SLC12A7: variants seen among roughly 807,000 people sequenced by gnomAD.
The protein encoded by SLC12A7 is solute carrier family 12 member 7.
A neutral mutation model predicts 120.6 loss-of-function variants in SLC12A7; 100 were observed. That is an observed-to-expected ratio of 0.83 (90% CI 0.71 to 0.98). The LOEUF (loss-of-function observed/expected upper bound fraction) is 0.98. Ranked by LOEUF, SLC12A7 falls within the 50% of genes least tolerant of loss-of-function variation. The probability of loss-of-function intolerance (pLI) is 0.00; values close to 1 mark genes in which losing one functional copy is unlikely to be tolerated. For synonymous variants in SLC12A7, 760 were observed against 678.0 expected (o/e 1.12, Z -1.88); for missense variants, 1,373 against 1,548.1 (o/e 0.89, Z 1.90).
intron 1 of SLC12A7, among the ~76,000 whole-genome samples, chr5:1,104,081 G>A (rs549222042): frequency 2.6e-5 from 4 of 152,302 alleles, no homozygotes; most frequent in Middle Eastern, 3.4e-3. Context: ...GACCCTTGGC[G>A]GCATGGAGGG....
intron 22 of SLC12A7, among the ~76,000 whole-genome samples, chr5:1,054,273 A>G (rs1012752182): frequency 1.1e-4 from 17 of 152,252 alleles, no homozygotes; most frequent in African/African-American, 3.6e-4. Context: ...CTGCTCTCTG[A>G]AGCTGCTGTG....
intron 20 of SLC12A7, chr5:1,062,880 C>T (rs62331173): frequency 0.01 from 1,564 of 154,532 alleles, 10 homozygotes; most frequent in Non-Finnish European, 0.018. Context: ...GCTGGGGTCA[C>T]GGGAGCCGGA....
chr5:1,090,871 G>T (rs1740418124), intron 3 of SLC12A7, among the ~76,000 whole-genome samples: 1 of 152,228 alleles, frequency 6.6e-6, no homozygotes, highest in Non-Finnish European at 1.5e-5. Flanking sequence ...TTCAGGCGCG[G>T]GAGGCTGGAG....
At chr5:1,076,595 C>G (rs993097989) in intron 13 of SLC12A7, 99 bp downstream of exon 13, 5 of 856,484 alleles carry the variant, frequency 5.8e-6, no homozygotes, top group Non-Finnish European at 9.3e-6. Context: ...GCTGGCCATG[C>G]CTGTCTACTG....
Position 1,081,738 on chromosome 5 carries a change from A to G in SLC12A7, c.1136T>C (p.Leu379Pro). ...GAASGVFLEN[L>P]WSTYAHAGAF... ...CCCCGCGTGCGCGTACGTACTCCAC[A>G]GGTTCTCTGCCGGGCAAGGAAGATC... is the stretch of plus-strand genomic sequence containing the variant. Residue 379 changes from leucine (L) to proline (P), a missense_variant, in exon 9 of 24, where the codon CTG becomes CCG. Transcript: ENST00000264930. 9.9e-6 allele frequency: 16 copies of G among 1,611,202 alleles called. No homozygotes were observed. The highest frequency in any genetic ancestry group is 1.4e-5 in the Non-Finnish European group (16 of 1,178,650).
chr5:1,093,924 GC>G (rs1416824366), intron 2 of SLC12A7, among the ~76,000 whole-genome samples: 1 of 152,168 alleles, frequency 6.6e-6, no homozygotes, highest in Non-Finnish European at 1.5e-5. Context: ...TGGGGCCGGA[GC>G]ACCCTAGATC....
chr5:1,052,389 C>T lies in SLC12A7; in HGVS notation c.3223G>A (p.Gly1075Ser), dbSNP rs776189873. 29 of 1,612,784 alleles carry T rather than the reference C, an allele frequency of 1.8e-5. No individual in the cohort carries two copies. Among genetic ancestry groups the T allele is most frequent in the Admixed American group, 6.7e-5 (4 of 60,000 alleles). The part of the protein sequence containing the change: ...LNRVLLVRGG[G>S]REVITIYS ...GAGTAGATGGTGATCACCTCCCGGCCGCCACCCCTGACCAGGAGGACTCTG... is the reference window on the plus strand; with the variant it reads ...GAGTAGATGGTGATCACCTCCCGGCTGCCACCCCTGACCAGGAGGACTCTG... The change falls in exon 24 of 24, where the codon GGC (glycine) becomes AGC (serine). Residue 1075 changes from glycine (G) to serine (S), a missense_variant. Transcript: ENST00000264930.
rs1742993369 is a variant in SLC12A7, at chr5:1,111,408, C to CG, written c.124+459dup. Among the ~76,000 whole-genome samples, 3 of 151,732 alleles carry CG rather than the reference C, an allele frequency of 2.0e-5. No individual in the cohort carries two copies. In the South Asian group the frequency reaches 6.3e-4, roughly 32 times the overall value. The stretch of plus-strand genomic sequence containing the variant: ...GGTGGGCGGCTCCTCCAGGGTCAGG[C>CG]GGGGGCAGGACGGGCCGGCCCGGGC... On this transcript the variant is annotated intron_variant, in intron 1 of 23. Transcript: ENST00000264930.
In SLC12A7 at chr5:1,076,820, GAGA is replaced by G; in HGVS notation, c.1630-11_1630-9del. ...CTTCCCGTGGCCAAACACCTGCAGG[GAGA>G]AGGGCAGGAAGATGGGGCAGATGAC... On this transcript the variant is annotated splice_polypyrimidine_tract_variant and intron_variant, in intron 12 of 23. Transcript: ENST00000264930. 2 of 1,590,736 alleles carry G rather than the reference GAGA, an allele frequency of 1.3e-6. No homozygotes were observed. The highest frequency in any genetic ancestry group is 1.7e-6 in the Non-Finnish European group (2 of 1,163,956).
At chr5:1,094,069 G>A (rs1011642234) in intron 2 of SLC12A7, 85 bp downstream of exon 2, 35 of 1,057,812 alleles carry the variant, frequency 3.3e-5, no homozygotes, top group Admixed American at 7.4e-5. Flanking sequence ...GGGAGGCCCC[G>A]GCCTGGGGGC....
chr5:1,067,181 G>A (rs899023825), intron 17 of SLC12A7, among the ~76,000 whole-genome samples: 1 of 152,194 alleles, frequency 6.6e-6, no homozygotes, highest in African/African-American at 2.4e-5. Context: ...GACGGGACAG[G>A]GTGCAGGGCC....
intron 8 of SLC12A7, among the ~76,000 whole-genome samples, chr5:1,083,140 GAA>G (rs1561074513): frequency 3.3e-3 from 136 of 41,836 alleles, no homozygotes; most frequent in Admixed American, 8.3e-3. Context: ...CGGGTTCTGG[GAA>G]GTCCAGGCTT....
At chr5:1,053,776 G>A (rs562640553) in intron 22 of SLC12A7, among the ~76,000 whole-genome samples, 11 of 152,344 alleles carry the variant, frequency 7.2e-5, no homozygotes, top group African/African-American at 2.2e-4. Context: ...AACACAAACC[G>A]CAAGCGCTTT....
At position 1,093,553 on chromosome 5, in the gene SLC12A7, T is replaced by TCTCCTCGTC; in HGVS notation, c.313_321dup (p.Asp105_Glu107dup). The TCTCCTCGTC allele has an allele frequency of 6.2e-7, 1 of 1,600,536 alleles. No individual in the cohort carries two copies. Among genetic ancestry groups the TCTCCTCGTC allele is most frequent in the Non-Finnish European group, 8.5e-7 (1 of 1,174,700 alleles). ...AGTACCTTGGCCTCCCGCCGCCGGC[T>TCTCCTCGTC]CTCCTCGTCCTCCTCGTGCTCCACC... On this transcript the variant is annotated inframe_insertion, in exon 3 of 24. Coordinates refer to ENST00000264930, the MANE Select transcript of SLC12A7 (RefSeq NM_006598.3).
chr5:1,089,255 C>T, intron 3 of SLC12A7, 127 bp from the exon 4 acceptor site: 2 of 980,266 alleles, frequency 2.0e-6, no homozygotes, highest in Admixed American at 2.7e-5. Context: ...AGGAGTCCTT[C>T]CCAGAACAGA....
At chr5:1,100,155 G>C (rs562396891) in intron 1 of SLC12A7, among the ~76,000 whole-genome samples, 1 of 152,142 alleles carries the variant, frequency 6.6e-6, no homozygotes, top group African/African-American at 2.4e-5. Context: ...AGACTCAGGC[G>C]GGTGTCTGCA....
rs1187242088 is a variant in SLC12A7, at chr5:1,081,682, C to G, written c.1192G>C (p.Val398Leu). The part of the protein sequence containing the change: ...AFVEKKGVPS[V>L]PVAEESRASA... Reference sequence around the variant, plus strand: ...GCACGGCTCTCCTCTGCCACGGGCACCGAGGGCACACCTTTCTTCTCCACA... The same window carrying G: ...GCACGGCTCTCCTCTGCCACGGGCAGCGAGGGCACACCTTTCTTCTCCACA... The change falls in exon 9 of 24, where the codon GTG becomes CTG. Residue 398 changes from valine (V) to leucine (L), a missense_variant. Coordinates refer to ENST00000264930, the MANE Select transcript of SLC12A7 (RefSeq NM_006598.3). The G allele has an allele frequency of 6.2e-7, 1 of 1,613,026 alleles. No homozygotes were observed. Among genetic ancestry groups the G allele is most frequent in the Non-Finnish European group, 8.5e-7 (1 of 1,180,002 alleles).
At chr5:1,149,214 A>C in the SLC12A7 span, among the ~76,000 whole-genome samples, 470 of 148,946 alleles carry the variant, frequency 3.2e-3, 4 homozygotes, top group African/African-American at 0.01. Flanking sequence ...GCCACTTTAC[A>C]TTCCCACAAG....
intron 20 of SLC12A7, among the ~76,000 whole-genome samples, chr5:1,061,830 C>T (rs916805224): frequency 2.6e-5 from 4 of 151,834 alleles, no homozygotes; most frequent in Non-Finnish European, 4.4e-5. Flanking sequence ...GGTATGGTGA[C>T]GTGTACCTGT....
Sources: gnomAD v4.1 joint callset for allele counts (sites outside exome capture counted in the v4.1 genomes callset) on GRCh38, gnomAD v4.1.1 for gene constraint, MANE v1.5 for transcripts, NCBI Gene and HGNC (gene_info 2026-07-23, HGNC 2026-07-21) for gene names.